MACF1: variants seen among roughly 807,000 people sequenced by gnomAD.
MACF1 encodes the protein microtubule actin crosslinking factor 1.
Under a neutral mutation model 854.8 loss-of-function variants are expected in MACF1, and 193 were observed. That is an observed-to-expected ratio of 0.23 (90% CI 0.20 to 0.25). The LOEUF is 0.25. Among genes scored for constraint, MACF1 ranks in the 10% least tolerant of loss-of-function variants. The pLI is 1.00. For missense variants in MACF1, 7,722 were observed against 8,929.1 expected, an observed-to-expected ratio of 0.86 and a Z score of 5.45; for synonymous variants, 3,185 against 3,226.7, an observed-to-expected ratio of 0.99 and a Z score of 0.44.
rs12062261 is a variant in MACF1, at chr1:39,094,327, G to A, written c.220+9889G>A. Among the ~76,000 whole-genome samples, 1,315 of 152,026 alleles carry A rather than the reference G, an allele frequency of 8.6e-3. 22 individuals carry two copies. The highest frequency in any genetic ancestry group is 0.03 in the African/African-American group (1,241 of 41,480). On this transcript the variant is annotated intron_variant, in intron 2 of 93. Transcript: ENST00000361689. Reference sequence around the variant, plus strand: ...CCAGGCAGGAGAATCGCTTGAACGCGGGAGGTGGAGGTTGTGGTGAACTGA... The same window carrying A: ...CCAGGCAGGAGAATCGCTTGAACGCAGGAGGTGGAGGTTGTGGTGAACTGA...
chr1:39,301,251 C>G (rs1339714381), intron 22 of MACF1, among the ~76,000 whole-genome samples: 2 of 151,886 alleles, frequency 1.3e-5, no homozygotes. Context: ...CTCAGCCTCC[C>G]AAGTAGCGGG....
intron 2 of MACF1, among the ~76,000 whole-genome samples, chr1:39,133,419 T>C (rs1643063139): frequency 6.6e-6 from 1 of 152,010 alleles, no homozygotes. Context: ...CTTTGCTTAG[T>C]GTTTGAGGGC....
chr1:39,438,989 A>C (rs1247063947), intron 71 of MACF1, among the ~76,000 whole-genome samples: 1 of 151,294 alleles, frequency 6.6e-6, no homozygotes, highest in Non-Finnish European at 1.5e-5. Context: ...AGGCTGAGGC[A>C]GGAGAATCTC....
In MACF1 at chr1:39,318,646, G is replaced by C. The variant is rs185988718; in HGVS notation, c.3945+31G>C. 11 of 1,532,848 alleles carry C rather than the reference G, an allele frequency of 7.2e-6. No homozygotes were observed. In the African/African-American group the frequency reaches 1.3e-4, roughly 18 times the overall value. 95.0% of individuals were successfully genotyped at this position (1,532,848 alleles called of 1,614,324 possible). On this transcript the variant is annotated intron_variant, in intron 30 of 100. Transcript: ENST00000564288. Reference sequence around the variant, plus strand: ...TGTGGTAGTAGCTCTGGCGAGAAGAGTTAGAAATTTAAATTTTCTTTATCA... The same window carrying C: ...TGTGGTAGTAGCTCTGGCGAGAAGACTTAGAAATTTAAATTTTCTTTATCA...
chr1:39,419,181 C>T (rs1333952354), intron 58 of MACF1, among the ~76,000 whole-genome samples: 1 of 152,100 alleles, frequency 6.6e-6, no homozygotes, highest in East Asian at 1.9e-4. Context: ...CACTTTTATT[C>T]AAAATAGATA....
In MACF1 at chr1:39,336,132, A is replaced by G; in HGVS notation, c.9544A>G (p.Arg3182Gly). The G allele has an allele frequency of 6.2e-7, 1 of 1,614,190 alleles. No individual in the cohort carries two copies. Among genetic ancestry groups the G allele is most frequent in the Non-Finnish European group, 8.5e-7 (1 of 1,180,028 alleles). The change falls in exon 37 of 101, where the codon AGA becomes GGA. Residue 3182 changes from arginine to glycine, a missense_variant. Around this residue, in one of 15 missense-constraint regions of MACF1, gnomAD observed 854 missense variants for 852.6 expected, o/e 1.00. Transcript: ENST00000564288. ...CCAAGAAGTATCTTTTGACCCAGCA[A>G]GAGGTCTTAAATTGGAAGAAATCAC... is the stretch of plus-strand genomic sequence containing the variant. ...SYQEVSFDPA[R>G]GLKLEEITVS...
chr1:39,457,321 C>T (rs1012276318), intron 89 of MACF1: 1 of 152,294 alleles, frequency 6.6e-6, no homozygotes, highest in African/African-American at 2.4e-5. Context: ...CTCACCAGGG[C>T]TTGTCAGTCC....
At position 39,382,056 on chromosome 1, in the gene MACF1, C is replaced by G. The variant is rs1299080734; in HGVS notation, c.13752C>G (p.Leu4584=). ...GCTTCCAGGCTGCAGAATCCCAGCT[C>G]CGGCCGTGGCTGATGGAGAAAGAAC... ...LACFQAAESQ[L]RPWLMEKELM... The change falls in exon 56 of 101, where the codon CTC becomes CTG. Residue 4584 remains leucine (L), a synonymous_variant. Transcript: ENST00000564288. 4 of 1,614,124 alleles carry G rather than the reference C, an allele frequency of 2.5e-6. No individual in the cohort carries two copies. The highest frequency in any genetic ancestry group is 1.7e-5 in the Admixed American group (1 of 60,018).
chr1:39,452,327 C>A lies in MACF1; in HGVS notation c.20590C>A (p.Arg6864=). 6.2e-7 allele frequency: 1 copy of A among 1,613,976 alleles called. No individual in the cohort carries two copies. Among genetic ancestry groups the A allele is most frequent in the Non-Finnish European group, 8.5e-7 (1 of 1,179,940 alleles). The change falls in exon 86 of 101, where the codon CGG becomes AGG. Residue 6864 remains arginine (R), a synonymous_variant. Coordinates refer to ENST00000564288, the MANE Select transcript of MACF1 (RefSeq NM_001394062.1). Reference sequence around the variant, plus strand: ...TAAACTCTCTGTTTCCAAACAAAGCCGGCTTGAGCAGGCCTTAAAACAAGT... The same window carrying A: ...TAAACTCTCTGTTTCCAAACAAAGCAGGCTTGAGCAGGCCTTAAAACAAGT... The part of the protein sequence containing the change: ...VCKLSVSKQS[R]LEQALKQAEV...
chr1:39,189,100 G>C (rs1434031905), intron 2 of MACF1, among the ~76,000 whole-genome samples: 1 of 152,128 alleles, frequency 6.6e-6, no homozygotes, highest in Non-Finnish European at 1.5e-5. Context: ...GACCTCACAC[G>C]GGCCTGAAGA....
rs772798675 is a variant in MACF1 at position 39,292,019 on chromosome 1, A to G, written c.1895A>G (p.Lys632Arg). ...TSVEELGSSV[K>R]EARLYEGKMS... ...GTAGAAGAGCTGGGCTCAAGTGTCA[A>G]GGAGGCCAGGTTGTATGAGGTGCGT... The change falls in exon 16 of 101, where the codon AAG becomes AGG. Residue 632 changes from lysine (K) to arginine (R), a missense_variant. Physicochemically the swap from Lys to Arg is conservative, Grantham distance 26 (BLOSUM62 2). This residue lies in a region of MACF1 where 1,137 missense variants were observed against 1,263.0 expected (regional missense o/e 0.90). Transcript: ENST00000564288. The G allele has an allele frequency of 1.2e-5, 19 of 1,613,904 alleles. No homozygotes were observed. Among genetic ancestry groups the G allele is most frequent in the Non-Finnish European group, 4.2e-6 (5 of 1,179,972 alleles).
rs769517649 is a variant in MACF1, at chr1:39,368,163, A to G, written c.12787A>G (p.Met4263Val). The G allele has an allele frequency of 6.2e-7, 1 of 1,614,034 alleles. No individual in the cohort carries two copies. The highest frequency in any genetic ancestry group is 1.1e-5 in the South Asian group (1 of 91,076). ...FQQIQELNLE[M>V]EDQQENLDTL... is the part of the protein sequence containing the mutation. ...TGCTTGACAGGAGCTCAATTTGGAAATGGAAGACCAACAGGAGAACCTAGA... is the reference window on the plus strand; with the variant it reads ...TGCTTGACAGGAGCTCAATTTGGAAGTGGAAGACCAACAGGAGAACCTAGA... The change falls in exon 50 of 101, where the codon ATG (methionine) becomes GTG (valine). Residue 4263 changes from methionine to valine, a missense_variant. Around this residue, in one of 15 missense-constraint regions of MACF1, gnomAD observed 2,807 missense variants for 3,235.8 expected, o/e 0.87. Coordinates refer to ENST00000564288, the MANE Select transcript of MACF1 (RefSeq NM_001394062.1).
chr1:39,410,328 A>AGAG, intron 58 of MACF1: 1 of 1,613,422 alleles, frequency 6.2e-7, no homozygotes, highest in South Asian at 1.1e-5. Context: ...TGGGGAAAGG[A>AGAG]GAGGAGGAGG....
intron 6 of MACF1, among the ~76,000 whole-genome samples, chr1:39,259,317 A>G (rs1294530997): frequency 1.3e-5 from 2 of 152,084 alleles, no homozygotes; most frequent in African/African-American, 4.8e-5. Flanking sequence ...CTTGGATTGC[A>G]ATGATGTGTT....
At chr1:39,315,130 C>T (rs2377648) in intron 26 of MACF1, among the ~76,000 whole-genome samples, 148,786 of 152,352 alleles carry the variant, frequency 0.98, 72,744 homozygotes, top group East Asian at 1. Flanking sequence ...TGCCTTCCTT[C>T]GATCCTTTCA....
chr1:39,283,608 T>A lies in MACF1; in HGVS notation c.915+93T>A. ...ACTTTCTTAAGCACTTATGGTATACTCATGGTATCAAACTATATATCCAGT... is the reference window on the plus strand; with the variant it reads ...ACTTTCTTAAGCACTTATGGTATACACATGGTATCAAACTATATATCCAGT... On this transcript the variant is annotated intron_variant, in intron 9 of 100. Transcript: ENST00000564288. The surrounding 1 kb of genome is among the most constrained non-coding windows in gnomAD (Gnocchi z 4.5). The A allele has an allele frequency of 1.2e-6, 1 of 848,096 alleles. No homozygotes were observed. The allele number at this position is 848,096 out of a possible 1,614,324, so 52.5% of individuals were successfully genotyped here.
chr1:39,458,576 T>C (rs897753622), intron 90 of MACF1, 86 bp downstream of exon 90: 2 of 1,473,952 alleles, frequency 1.4e-6, no homozygotes, highest in South Asian at 1.5e-5. Flanking sequence ...AAAAAAATTA[T>C]ATTCCATTTT....
chr1:39,345,802 TCA>T (rs1177171170), intron 40 of MACF1, among the ~76,000 whole-genome samples: 1 of 152,182 alleles, frequency 6.6e-6, no homozygotes, highest in African/African-American at 2.4e-5. Flanking sequence ...GGCGTGTGGC[TCA>T]CGCCTGTAAT....
chr1:39,418,768 T>G (rs971875161), intron 58 of MACF1, among the ~76,000 whole-genome samples: 1 of 151,696 alleles, frequency 6.6e-6, no homozygotes, highest in African/African-American at 2.4e-5. Context: ...GAGACTGAGG[T>G]GAGAGAATCA....
Sources: gnomAD v4.1 joint callset for allele counts (sites outside exome capture counted in the v4.1 genomes callset) on GRCh38, gnomAD v4.1.1 for gene constraint, gnomAD v4.1.1 regional missense constraint, Gnocchi (gnomAD v3.1) non-coding constraint, MANE v1.5 for transcripts, NCBI Gene and HGNC (gene_info 2026-07-23, HGNC 2026-07-21) for gene names.